TUSC3: variants seen among roughly 807,000 people sequenced by gnomAD.
The protein encoded by TUSC3 is tumor suppressor candidate 3.
In TUSC3, 45 loss-of-function variants were observed where a neutral mutation model predicts 44.8. That is an observed-to-expected ratio of 1.00 (90% confidence interval 0.79 to 1.29). The LOEUF is 1.29. Among genes scored for constraint, TUSC3 ranks in the 50% most tolerant of loss-of-function variants. TUSC3 has a pLI of 0.00. For synonymous variants in TUSC3, 212 were observed against 152.9 expected (o/e 1.39, Z -2.85); for missense variants, 519 against 437.9 (o/e 1.19, Z -1.65).
intron 1 of TUSC3, among the ~76,000 whole-genome samples, chr8:15,444,870 A>T (rs1326115484): frequency 6.6e-6 from 1 of 152,134 alleles, no homozygotes; most frequent in Non-Finnish European, 1.5e-5. Flanking sequence ...GGTTTTCTTC[A>T]TCCTGGGAGA....
intron 1 of TUSC3, among the ~76,000 whole-genome samples, chr8:15,453,891 C>G (rs55989819): frequency 6.6e-6 from 1 of 152,112 alleles, no homozygotes; most frequent in Middle Eastern, 3.4e-3. Flanking sequence ...GATAGAAACA[C>G]CTGAAACTGG....
rs371387088 is a variant in TUSC3, at chr8:15,512,870, G to GTATATATATATA, written n.189+29388_189+29389insATATATATATAT. Among the ~76,000 whole-genome samples the GTATATATATATA allele has an allele frequency of 1.5e-3, 154 of 101,210 alleles. 1 individual carries two copies. Among genetic ancestry groups the GTATATATATATA allele is most frequent in the African/African-American group, 4.6e-3 (129 of 27,892 alleles). 66.4% of individuals were successfully genotyped at this position (101,210 alleles called of 152,430 possible). ...TGTGTGTGTGTGTATATATATGTGT[G>GTATATATATATA]TGTATATATATATATACACACAATT... On this transcript the variant is annotated intron_variant and non_coding_transcript_variant, in intron 2 of 5. Coordinates refer to the TUSC3 transcript ENST00000503191.
chr8:15,509,683 G>A (rs957731019), intron 2 of TUSC3, among the ~76,000 whole-genome samples: 4 of 151,994 alleles, frequency 2.6e-5, no homozygotes, highest in African/African-American at 7.2e-5. Flanking sequence ...AGTCTTAACT[G>A]TAGCTTTGTA....
chr8:15,486,152 C>G (rs1470698763), intron 2 of TUSC3, among the ~76,000 whole-genome samples: 2 of 152,106 alleles, frequency 1.3e-5, no homozygotes, highest in Non-Finnish European at 2.9e-5. Context: ...TAGCTACAGA[C>G]TTTGAAAGAA....
At chr8:15,630,450 A>G (rs889313932) in intron 2 of TUSC3, among the ~76,000 whole-genome samples, 8 of 145,224 alleles carry the variant, frequency 5.5e-5, no homozygotes, top group African/African-American at 1.9e-4. Context: ...CTTTATATAT[A>G]CAGTATATAT....
intron 9 of TUSC3, among the ~76,000 whole-genome samples, chr8:15,752,671 T>G (rs991490948): frequency 1.3e-5 from 2 of 152,102 alleles, no homozygotes; most frequent in African/African-American, 4.8e-5. Flanking sequence ...AAAATCTGAC[T>G]CTGCTTACTT....
At chr8:15,617,067 A>G (rs1330814179) in intron 1 of TUSC3, among the ~76,000 whole-genome samples, 1 of 151,490 alleles carries the variant, frequency 6.6e-6, no homozygotes, top group Non-Finnish European at 1.5e-5. Flanking sequence ...ATAGATGTAC[A>G]CTAATCCACT....
Position 15,498,418 on chromosome 8 carries a change from T to C in TUSC3, n.189+14935T>C, listed in dbSNP as rs1344322495. Among the ~76,000 whole-genome samples, 11 of 152,124 alleles carry C rather than the reference T, an allele frequency of 7.2e-5. No individual in the cohort carries two copies. In the East Asian group the frequency reaches 2.1e-3, roughly 29 times the overall value. Reference sequence around the variant, plus strand: ...TAGAAGAATAGATGTATTAATAAAATAGTACTGTAGGAGAACCGGAGCAGG... The same window carrying C: ...TAGAAGAATAGATGTATTAATAAAACAGTACTGTAGGAGAACCGGAGCAGG... On this transcript the variant is annotated intron_variant and non_coding_transcript_variant, in intron 2 of 5. Transcript: ENST00000503191.
At chr8:15,838,471 G>C in the TUSC3 span, among the ~76,000 whole-genome samples, 3 of 152,106 alleles carry the variant, frequency 2.0e-5, no homozygotes, top group African/African-American at 7.2e-5. Context: ...TCTTTTCAGA[G>C]TTTTGAGTGA....
At chr8:15,447,977 G>T (rs1463928133) in intron 1 of TUSC3, among the ~76,000 whole-genome samples, 1 of 151,214 alleles carries the variant, frequency 6.6e-6, no homozygotes, top group African/African-American at 2.4e-5. Flanking sequence ...GAAAAGTTCA[G>T]TTCTACAGTC....
chr8:15,471,022 A>C (rs566862636), intron 1 of TUSC3, among the ~76,000 whole-genome samples: 6 of 152,354 alleles, frequency 3.9e-5, no homozygotes, highest in Admixed American at 3.9e-4. Flanking sequence ...GATGATAATC[A>C]TAAAAATGCA....
At chr8:15,567,567 G>T (rs1194900964) in intron 1 of TUSC3, among the ~76,000 whole-genome samples, 1 of 152,128 alleles carries the variant, frequency 6.6e-6, no homozygotes, top group African/African-American at 2.4e-5. Context: ...ATAAACCTGA[G>T]TAGCTCTCTT....
At chr8:15,618,353 C>T (rs1482965524) in intron 1 of TUSC3, among the ~76,000 whole-genome samples, 1 of 152,120 alleles carries the variant, frequency 6.6e-6, no homozygotes, top group Non-Finnish European at 1.5e-5. Context: ...AATACAAACA[C>T]ATTTTACAGC....
intron 1 of TUSC3, among the ~76,000 whole-genome samples, chr8:15,431,978 T>C (rs1236889189): frequency 1.3e-5 from 2 of 151,654 alleles, no homozygotes; most frequent in African/African-American, 4.8e-5. Context: ...TCTCACTTAA[T>C]TGTGGCGTGT....
chr8:15,429,570 A>T (rs1304356576), intron 1 of TUSC3, among the ~76,000 whole-genome samples: 3 of 150,058 alleles, frequency 2.0e-5, no homozygotes, highest in Admixed American at 2.0e-4. Context: ...CAGTATGGCC[A>T]TTTTTTTTTC....
intron 6 of TUSC3, among the ~76,000 whole-genome samples, chr8:15,684,056 C>T (rs1008350981): frequency 1.8e-4 from 27 of 146,074 alleles, no homozygotes; most frequent in East Asian, 1.3e-3. Flanking sequence ...GGATCTTAGT[C>T]GTGCTCTCCA....
intron 1 of TUSC3, among the ~76,000 whole-genome samples, chr8:15,582,365 A>T (rs1031273317): frequency 1.1e-4 from 16 of 152,192 alleles, no homozygotes; most frequent in African/African-American, 3.1e-4. Context: ...GAGGTACTTG[A>T]AGGATGAGAC....
the TUSC3 span, among the ~76,000 whole-genome samples, chr8:15,821,759 G>C: frequency 1.3e-5 from 2 of 148,808 alleles, no homozygotes; most frequent in Admixed American, 6.9e-5. Context: ...CACAGATATG[G>C]GTAATTTCCT....
intron 6 of TUSC3, among the ~76,000 whole-genome samples, chr8:15,682,939 T>C (rs1000402598): frequency 2.0e-5 from 3 of 152,150 alleles, no homozygotes; most frequent in African/African-American, 7.2e-5. Context: ...CAATTCTTGG[T>C]TGGAATTTTG....
Sources: gnomAD v4.1 joint callset for allele counts (sites outside exome capture counted in the v4.1 genomes callset) on GRCh38, gnomAD v4.1.1 for gene constraint, MANE v1.5 for transcripts, NCBI Gene and HGNC (gene_info 2026-07-23, HGNC 2026-07-21) for gene names.